Variants in CACNA1D observed in about 807,000 individuals in gnomAD.
CACNA1D encodes voltage-dependent L-type calcium channel subunit alpha-1D.
Under a neutral mutation model 257.1 loss-of-function variants are expected in CACNA1D, and 55 were observed. The observed-to-expected ratio is 0.21, with a 90% CI of 0.17 to 0.27. CACNA1D has a LOEUF of 0.27. Ranked by LOEUF, CACNA1D falls within the 10% of genes least tolerant of loss-of-function variation. The pLI is 1.00. For missense variants in CACNA1D, 1,876 were observed against 2,784.0 expected (o/e 0.67, Z 7.34); for synonymous variants, 980 against 1,014.9 (o/e 0.97, Z 0.65).
chr3:53,647,977 G>C (rs543326344), intron 3 of CACNA1D, among the ~76,000 whole-genome samples: 24 of 152,300 alleles, frequency 1.6e-4, no homozygotes, highest in African/African-American at 5.8e-4. Context: ...GAGGGCAAAG[G>C]AGAAGGAAAA....
intron 25 of CACNA1D, among the ~76,000 whole-genome samples, chr3:53,746,449 C>G (rs188163880): frequency 5.9e-5 from 9 of 152,270 alleles, no homozygotes; most frequent in Middle Eastern, 3.4e-3. Context: ...TCCAGGATGT[C>G]CAGTGACCAT....
chr3:53,601,682 A>G (rs1226084006), intron 3 of CACNA1D, among the ~76,000 whole-genome samples: 1 of 152,156 alleles, frequency 6.6e-6, no homozygotes, highest in Non-Finnish European at 1.5e-5. Flanking sequence ...GATAATAATC[A>G]TGGCAGTAGC....
At chr3:53,739,299 C>T (rs1197709015) in intron 20 of CACNA1D, among the ~76,000 whole-genome samples, 1 of 152,248 alleles carries the variant, frequency 6.6e-6, no homozygotes, top group African/African-American at 2.4e-5. Flanking sequence ...ACAGTCCCTT[C>T]TAGCTCTGGT....
At chr3:53,720,787 A>G (rs1020492099) in intron 11 of CACNA1D, among the ~76,000 whole-genome samples, 16 of 152,360 alleles carry the variant, frequency 1.1e-4, no homozygotes, top group Admixed American at 1.0e-3. Context: ...ACTTTCATAC[A>G]GTGTTGATGG....
intron 8 of CACNA1D, among the ~76,000 whole-genome samples, chr3:53,698,091 C>T (rs1277106787): frequency 6.6e-6 from 1 of 152,232 alleles, no homozygotes; most frequent in Non-Finnish European, 1.5e-5. Context: ...CACATACTTA[C>T]ATTGATACAT....
At chr3:53,808,446 T>A in intron 45 of CACNA1D, 1 of 611,868 alleles carries the variant, frequency 1.6e-6, no homozygotes, top group Admixed American at 2.8e-5. Context: ...GTTTGTACTT[T>A]AAAAAACATC....
intron 3 of CACNA1D, among the ~76,000 whole-genome samples, chr3:53,564,745 C>T (rs2092803850): frequency 6.6e-6 from 1 of 152,134 alleles, no homozygotes; most frequent in Non-Finnish European, 1.5e-5. Context: ...AGTACTGTTG[C>T]TATTTCCATT....
chr3:53,542,222 G>C (rs1358731481), intron 3 of CACNA1D, among the ~76,000 whole-genome samples: 2 of 150,420 alleles, frequency 1.3e-5, no homozygotes, highest in Non-Finnish European at 3.0e-5. Context: ...TTTTTTCTCA[G>C]TTGTCTCAGT....
intron 47 of CACNA1D, 111 bp downstream of exon 47, chr3:53,810,409 T>C: frequency 4.8e-6 from 5 of 1,046,924 alleles, no homozygotes; most frequent in Non-Finnish European, 7.4e-6. Context: ...TGAGCTAGGC[T>C]GCCTCAATCA....
intron 3 of CACNA1D, among the ~76,000 whole-genome samples, chr3:53,514,943 C>T (rs780224158): frequency 4.6e-5 from 7 of 152,132 alleles, no homozygotes; most frequent in African/African-American, 9.7e-5. Context: ...GGTTTTGCAG[C>T]GGATCTGGTG....
chr3:53,692,362 A>G (rs2094536495), intron 8 of CACNA1D, among the ~76,000 whole-genome samples: 1 of 152,212 alleles, frequency 6.6e-6, no homozygotes, highest in Non-Finnish European at 1.5e-5. Flanking sequence ...AGTATCTGGA[A>G]GAGCAGGAGG....
intron 8 of CACNA1D, among the ~76,000 whole-genome samples, chr3:53,685,967 G>A (rs113876113): frequency 0.02 from 2,980 of 151,964 alleles, 102 homozygotes; most frequent in African/African-American, 0.067. Context: ...TTTAGAAAGC[G>A]TAATAAAAAT....
chr3:53,534,243 G>A (rs2092043447), intron 3 of CACNA1D, among the ~76,000 whole-genome samples: 1 of 152,184 alleles, frequency 6.6e-6, no homozygotes, highest in African/African-American at 2.4e-5. Flanking sequence ...TGTGAGGGCA[G>A]GCCTCGCCTC....
At chr3:53,657,763 ATCTC>A (rs1298657278) in intron 4 of CACNA1D, among the ~76,000 whole-genome samples, 2 of 152,246 alleles carry the variant, frequency 1.3e-5, no homozygotes, top group African/African-American at 4.8e-5. Flanking sequence ...TACAGTCTGT[ATCTC>A]AATCCACTGG....
chr3:53,786,992 G>A lies in CACNA1D; in HGVS notation c.4923+40G>A, dbSNP rs562085264. 2.8e-4 allele frequency: 450 copies of A among 1,606,064 alleles called. 2 individuals carry two copies. The highest frequency in any genetic ancestry group is 7.8e-4 in the Admixed American group (47 of 60,000). On this transcript the variant is annotated intron_variant, in intron 40 of 47. Coordinates refer to ENST00000350061, the MANE Select transcript of CACNA1D (RefSeq NM_001128840.3). ...CATTTTGTTTTCTCTTTTGACTAAC[G>A]ATTTTACAAGCTTATTTGAAATACT...
Position 53,751,685 on chromosome 3 carries a change from C to T in CACNA1D, c.3517-64C>T, listed in dbSNP as rs2095227659. On this transcript the variant is annotated intron_variant, in intron 27 of 47. Coordinates refer to ENST00000350061, the MANE Select transcript of CACNA1D (RefSeq NM_001128840.3). The surrounding 1 kb of genome is among the most constrained non-coding windows in gnomAD (Gnocchi z 4.3). ...GGGTGAGCTCTTTCAGAGCAGATGACCACGGGGTCCTCCTTCCCTGCAAGT... is the reference window on the plus strand; with the variant it reads ...GGGTGAGCTCTTTCAGAGCAGATGATCACGGGGTCCTCCTTCCCTGCAAGT... The T allele has an allele frequency of 3.9e-6, 6 of 1,558,156 alleles. No individual in the cohort carries two copies. In the East Asian group the frequency reaches 1.3e-4, roughly 35 times the overall value.
intron 3 of CACNA1D, among the ~76,000 whole-genome samples, chr3:53,548,241 A>G (rs2092453934): frequency 6.6e-6 from 1 of 152,190 alleles, no homozygotes; most frequent in East Asian, 1.9e-4. Context: ...TTGATGGTGC[A>G]CAAAATAACT....
intron 23 of CACNA1D, 81 bp from the exon 24 acceptor site, chr3:53,745,543 C>A: frequency 2.3e-6 from 2 of 883,902 alleles, no homozygotes; most frequent in Non-Finnish European, 3.8e-6. Context: ...GCCTGGCCAA[C>A]ACAGAAACTG....
At chr3:53,726,214 A>G (rs1293839233) in intron 14 of CACNA1D, among the ~76,000 whole-genome samples, 2 of 152,230 alleles carry the variant, frequency 1.3e-5, no homozygotes, top group Non-Finnish European at 2.9e-5. Flanking sequence ...AAACTCAGAG[A>G]AGACACCTAG....
Sources: gnomAD v4.1 joint callset for allele counts (sites outside exome capture counted in the v4.1 genomes callset) on GRCh38, gnomAD v4.1.1 for gene constraint, Gnocchi (gnomAD v3.1) non-coding constraint, MANE v1.5 for transcripts, NCBI Gene and HGNC (gene_info 2026-07-23, HGNC 2026-07-21) for gene names.